The following SLC39A11 variants were observed in gnomAD, a reference collection of about 807,000 sequenced individuals.
SLC39A11 encodes the protein solute carrier family 39 member 11, also known as zinc transporter ZIP11.
SLC39A11 carries 33 observed loss-of-function variants against 36.1 expected under a neutral mutation model. That is an observed-to-expected ratio of 0.91 (90% CI 0.69 to 1.22). SLC39A11 has a LOEUF of 1.22. Among genes scored for constraint, SLC39A11 ranks in the 50% most tolerant of loss-of-function variants. SLC39A11 has a pLI of 0.00. For missense variants in SLC39A11, 432 were observed against 430.3 expected (o/e 1.00, Z -0.03); for synonymous variants, 166 against 170.3 (o/e 0.97, Z 0.20).
intron 7 of SLC39A11, among the ~76,000 whole-genome samples, chr17:72,708,892 C>T (rs904178057): frequency 7.2e-5 from 11 of 152,182 alleles, no homozygotes; most frequent in African/African-American, 2.7e-4. Context: ...ATGAACTTTG[C>T]CTTTGGCTCT....
At chr17:72,803,194 T>A (rs988444052) in intron 6 of SLC39A11, among the ~76,000 whole-genome samples, 3 of 152,228 alleles carry the variant, frequency 2.0e-5, no homozygotes, top group African/African-American at 7.2e-5. Flanking sequence ...CCTCCTGCCC[T>A]TGTTGTGAAT....
intron 7 of SLC39A11, among the ~76,000 whole-genome samples, chr17:72,695,704 C>T (rs1325424863): frequency 1.3e-5 from 2 of 152,030 alleles, no homozygotes; most frequent in East Asian, 1.9e-4. Context: ...AATTCAATGA[C>T]GAGTGTCCTT....
chr17:73,037,255 T>C (rs543906654), intron 3 of SLC39A11, among the ~76,000 whole-genome samples: 16 of 152,106 alleles, frequency 1.1e-4, no homozygotes, highest in Admixed American at 9.8e-4. Flanking sequence ...GGCCAAGGAG[T>C]GGAATTGTTG....
At chr17:73,078,196 C>T (rs1377684047) in intron 3 of SLC39A11, among the ~76,000 whole-genome samples, 2 of 149,724 alleles carry the variant, frequency 1.3e-5, no homozygotes, top group Admixed American at 6.7e-5. Flanking sequence ...CAAGACCACA[C>T]CTTTGCAGTC....
At chr17:72,752,015 C>G (rs906631806) in intron 6 of SLC39A11, among the ~76,000 whole-genome samples, 1 of 152,160 alleles carries the variant, frequency 6.6e-6, no homozygotes, top group Non-Finnish European at 1.5e-5. Context: ...TCAGGTGTCT[C>G]GCAGAGCAGG....
At chr17:72,867,817 A>G (rs990912653) in intron 5 of SLC39A11, among the ~76,000 whole-genome samples, 65 of 152,130 alleles carry the variant, frequency 4.3e-4, no homozygotes, top group African/African-American at 1.5e-3. Context: ...CAAACACACT[A>G]GACCCAGATG....
intron 6 of SLC39A11, among the ~76,000 whole-genome samples, chr17:72,748,887 T>C (rs759376252): frequency 5.9e-5 from 9 of 152,198 alleles, no homozygotes; most frequent in South Asian, 2.1e-4. Context: ...TGAAGAAGTA[T>C]ATCTGCAGGC....
chr17:72,653,250 A>G (rs2069940663), intron 7 of SLC39A11, among the ~76,000 whole-genome samples: 1 of 149,372 alleles, frequency 6.7e-6, no homozygotes, highest in Admixed American at 6.7e-5. Flanking sequence ...GATTACAGGC[A>G]TGTGCCACCA....
At chr17:73,043,505 C>T (rs947512600) in intron 3 of SLC39A11, among the ~76,000 whole-genome samples, 3 of 152,162 alleles carry the variant, frequency 2.0e-5, no homozygotes, top group Non-Finnish European at 4.4e-5. Context: ...AAGCCTCACA[C>T]GTGATGCTGC....
At chr17:72,974,389 C>T (rs2087687435) in intron 4 of SLC39A11, among the ~76,000 whole-genome samples, 1 of 146,464 alleles carries the variant, frequency 6.8e-6, no homozygotes, top group Non-Finnish European at 1.5e-5. Context: ...TGTGAGCCAC[C>T]ACACCCGGCC....
intron 5 of SLC39A11, among the ~76,000 whole-genome samples, chr17:72,900,208 A>AGAAAGAAGGAAGGAAGGAAAGAAAGAAG (rs2082313689): frequency 1.5e-5 from 2 of 136,862 alleles, no homozygotes; most frequent in Admixed American, 7.2e-5. Flanking sequence ...AAAGAAAGAA[A>AGAAAGAAGGAAGGAAGGAAAGAAAGAAG]GAAAGAAAGA....
chr17:72,652,628 C>T (rs949749392), intron 7 of SLC39A11, among the ~76,000 whole-genome samples: 1 of 152,164 alleles, frequency 6.6e-6, no homozygotes, highest in African/African-American at 2.4e-5. Flanking sequence ...AGAACTCATG[C>T]GTCCTCTTTC....
chr17:72,882,838 C>A (rs2081269885), intron 5 of SLC39A11, among the ~76,000 whole-genome samples: 1 of 108,284 alleles, frequency 9.2e-6, no homozygotes, highest in African/African-American at 4.4e-5. Context: ...ACTCTAGCTT[C>A]CAGGTTGGAG....
intron 7 of SLC39A11, among the ~76,000 whole-genome samples, chr17:72,699,170 C>A (rs2072484507): frequency 6.6e-6 from 1 of 152,112 alleles, no homozygotes; most frequent in Admixed American, 6.6e-5. Flanking sequence ...CACTCTAGAC[C>A]ATGGGTGTCC....
At chr17:72,989,530 C>T (rs1433289957) in intron 4 of SLC39A11, among the ~76,000 whole-genome samples, 1 of 152,126 alleles carries the variant, frequency 6.6e-6, no homozygotes, top group African/African-American at 2.4e-5. Context: ...AGTCTTGTAT[C>T]TGTTTTTGCC....
At chr17:72,881,460 T>G (rs2146551752) in intron 5 of SLC39A11, among the ~76,000 whole-genome samples, 1 of 152,356 alleles carries the variant, frequency 6.6e-6, no homozygotes, top group Non-Finnish European at 1.5e-5. Flanking sequence ...TTAAAATGTC[T>G]GAAAAATTCT....
chr17:72,821,450 G>A (rs2077776521), intron 6 of SLC39A11, among the ~76,000 whole-genome samples: 2 of 142,960 alleles, frequency 1.4e-5, no homozygotes, highest in African/African-American at 2.5e-5. Context: ...AGGTTGTGGT[G>A]AGCCAAGATT....
At chr17:72,762,143 G>A (rs1488574839) in intron 6 of SLC39A11, among the ~76,000 whole-genome samples, 1 of 152,186 alleles carries the variant, frequency 6.6e-6, no homozygotes, top group Non-Finnish European at 1.5e-5. Context: ...AAATGAGGAT[G>A]AGACCTACTG....
rs185868174 is a variant in SLC39A11, at chr17:72,797,684, C to G, written c.601+51950G>C. ...CACTAACTCACGGGATGCACACCAT[C>G]GTGGCCCGGCTCTGCAGAGGATGGA... On this transcript the variant is annotated intron_variant, in intron 6 of 9. Transcript: ENST00000255559. Among the ~76,000 whole-genome samples, 4 of 152,234 alleles carry G rather than the reference C, an allele frequency of 2.6e-5. No homozygotes were observed. In the East Asian group the frequency reaches 5.8e-4, roughly 22 times the overall value.
Sources: gnomAD v4.1 joint callset for allele counts (sites outside exome capture counted in the v4.1 genomes callset) on GRCh38, gnomAD v4.1.1 for gene constraint, MANE v1.5 for transcripts, NCBI Gene and HGNC (gene_info 2026-07-23, HGNC 2026-07-21) for gene names.